TMIGD3: variants seen among roughly 807,000 people sequenced by gnomAD.
TMIGD3 encodes transmembrane and immunoglobulin domain containing 3.
A neutral mutation model predicts 28.1 loss-of-function variants in TMIGD3; 21 were observed. The observed-to-expected ratio is 0.75, with a 90% confidence interval of 0.53 to 1.08. TMIGD3 has a LOEUF of 1.08. TMIGD3 is among the 50% of genes least tolerant of loss of function. The probability of loss-of-function intolerance (pLI) is 0.00; values close to 1 mark genes in which losing one functional copy is unlikely to be tolerated. For synonymous variants in TMIGD3, 151 were observed against 162.1 expected, an observed-to-expected ratio of 0.93 and a Z score of 0.52; for missense variants, 416 against 435.6, an observed-to-expected ratio of 0.96 and a Z score of 0.40.
At chr1:111,551,011 T>C (rs1031442334) in intron 1 of TMIGD3, among the ~76,000 whole-genome samples, 5 of 152,236 alleles carry the variant, frequency 3.3e-5, no homozygotes, top group Non-Finnish European at 7.3e-5. Context: ...AATTTTTGTC[T>C]TGAAGTCTGA....
chr1:111,520,718 A>C (rs1338776889), intron 1 of TMIGD3, among the ~76,000 whole-genome samples: 1 of 152,250 alleles, frequency 6.6e-6, no homozygotes, highest in Non-Finnish European at 1.5e-5. Flanking sequence ...ATTTTCAGTT[A>C]AATGGAGTGG....
At chr1:111,542,260 G>T in intron 1 of TMIGD3, 2 of 607,910 alleles carry the variant, frequency 3.3e-6, no homozygotes, top group Non-Finnish European at 3.0e-6. Context: ...ACATATTGAG[G>T]CCGTATTTCA....
chr1:111,541,511 G>A (rs746637126), intron 1 of TMIGD3, among the ~76,000 whole-genome samples: 27 of 152,196 alleles, frequency 1.8e-4, no homozygotes, highest in African/African-American at 6.5e-4. Flanking sequence ...TTTGGGACAT[G>A]CCAAGTTGGA....
At chr1:111,510,402 C>A (rs995996343) in intron 1 of TMIGD3, among the ~76,000 whole-genome samples, 1 of 151,800 alleles carries the variant, frequency 6.6e-6, no homozygotes, top group African/African-American at 2.4e-5. Flanking sequence ...CTATCTGTTG[C>A]TATGTCTCTT....
chr1:111,545,277 C>T (rs557770405), intron 1 of TMIGD3, among the ~76,000 whole-genome samples: 2 of 152,160 alleles, frequency 1.3e-5, no homozygotes, highest in East Asian at 3.9e-4. Flanking sequence ...CCTATCCTTG[C>T]CAACACTTAT....
intron 1 of TMIGD3, among the ~76,000 whole-genome samples, chr1:111,496,401 T>C (rs1470512014): frequency 6.6e-6 from 1 of 152,134 alleles, no homozygotes; most frequent in African/African-American, 2.4e-5. Context: ...TTTTCACTGA[T>C]GAAAAAAATT....
At chr1:111,514,050 C>T (rs1402549801) in intron 1 of TMIGD3, among the ~76,000 whole-genome samples, 1 of 152,184 alleles carries the variant, frequency 6.6e-6, no homozygotes, top group African/African-American at 2.4e-5. Context: ...CAACCCCGTC[C>T]CTTCTTTTAC....
At chr1:111,504,538 C>T (rs570979520), upstream of TMIGD3, among the ~76,000 whole-genome samples, 3 of 152,334 alleles carry the variant, frequency 2.0e-5, no homozygotes, top group East Asian at 3.9e-4. Flanking sequence ...CTTCTCAGCA[C>T]CATCCAAAGG....
chr1:111,556,164 A>G (rs1657484002), intron 1 of TMIGD3, among the ~76,000 whole-genome samples: 3 of 152,228 alleles, frequency 2.0e-5, no homozygotes. Context: ...AGTAAATAAA[A>G]AGATATTCAA....
At chr1:111,515,952 T>C (rs1235415812) in intron 1 of TMIGD3, among the ~76,000 whole-genome samples, 4 of 152,216 alleles carry the variant, frequency 2.6e-5, no homozygotes, top group African/African-American at 9.6e-5. Context: ...CTACCATTTA[T>C]ATGTCAGGGA....
intron 1 of TMIGD3, among the ~76,000 whole-genome samples, chr1:111,524,164 G>A (rs942445480): frequency 6.6e-6 from 1 of 150,530 alleles, no homozygotes; most frequent in Non-Finnish European, 1.5e-5. Flanking sequence ...CAAGTAGCTG[G>A]GACTACAGGC....
chr1:111,524,963 A>T (rs1656215420), intron 1 of TMIGD3, among the ~76,000 whole-genome samples: 1 of 152,170 alleles, frequency 6.6e-6, no homozygotes, highest in Non-Finnish European at 1.5e-5. Flanking sequence ...TAGATTATTT[A>T]AAAATGTGTT....
intron 1 of TMIGD3, among the ~76,000 whole-genome samples, chr1:111,557,598 A>G (rs1409256787): frequency 6.6e-6 from 1 of 152,078 alleles, no homozygotes; most frequent in Non-Finnish European, 1.5e-5. Context: ...AATTTTGGAT[A>G]ATTAAAAATT....
At position 111,554,025 on chromosome 1, in the gene TMIGD3, T is replaced by C. The variant is rs547170229; in HGVS notation, c.107+9821A>G. ...GCACAAAGCAGAAATGGAATGTGAC[T>C]GATTGGAATGGTTACGTGCATATGC... On this transcript the variant is annotated intron_variant, in intron 1 of 5. Coordinates refer to the TMIGD3 transcript ENST00000369717. Among the ~76,000 whole-genome samples the C allele has an allele frequency of 1.9e-3, 295 of 152,378 alleles. 1 individual carries two copies. The highest frequency in any genetic ancestry group is 3.0e-3 in the Non-Finnish European group (204 of 68,034).
chr1:111,557,145 G>C (rs2101042649), intron 1 of TMIGD3, among the ~76,000 whole-genome samples: 1 of 152,274 alleles, frequency 6.6e-6, no homozygotes, highest in South Asian at 2.1e-4. Context: ...ATGATATTTA[G>C]ACTGACAACT....
At position 111,488,821 on chromosome 1, in the gene TMIGD3, T is replaced by G. The variant is rs767574965; in HGVS notation, c.661A>C (p.Thr221Pro). 1 of 1,614,190 alleles carries G rather than the reference T, an allele frequency of 6.2e-7. No individual in the cohort carries two copies. The highest frequency in any genetic ancestry group is 8.5e-7 in the Non-Finnish European group (1 of 1,180,034). ...LRDTGNQLIVTMSCLTKEDTG... is the reference protein window; with the variant it reads ...LRDTGNQLIVPMSCLTKEDTG... ...TCCTCTTTGGTCAGGCAGGACATAG[T>G]GACAATGAGCTGGTTCCCTGTGTCC... Residue 221 changes from threonine (T) to proline (P), a missense_variant, in exon 3 of 6, where the codon ACT becomes CCT. Transcript: ENST00000369716.
At chr1:111,519,480 A>T (rs1363841154) in intron 1 of TMIGD3, among the ~76,000 whole-genome samples, 1 of 152,198 alleles carries the variant, frequency 6.6e-6, no homozygotes, top group African/African-American at 2.4e-5. Context: ...TAATTTATTA[A>T]AATCTTTATG....
intron 1 of TMIGD3, among the ~76,000 whole-genome samples, chr1:111,541,084 G>T (rs193059709): frequency 1.2e-4 from 19 of 152,298 alleles, no homozygotes; most frequent in Non-Finnish European, 2.5e-4. Flanking sequence ...CTCTGTGGTT[G>T]TAGCACAAAA....
At chr1:111,485,676 C>T in intron 5 of TMIGD3, 64 bp downstream of exon 5, 3 of 1,302,284 alleles carry the variant, frequency 2.3e-6, no homozygotes, top group South Asian at 2.7e-5. Flanking sequence ...TTGAAATCTG[C>T]TCCTTGACCT....
Sources: gnomAD v4.1 joint callset for allele counts (sites outside exome capture counted in the v4.1 genomes callset) on GRCh38, gnomAD v4.1.1 for gene constraint, MANE v1.5 for transcripts, NCBI Gene and HGNC (gene_info 2026-07-23, HGNC 2026-07-21) for gene names.